The following ZFAND1 variants were observed in gnomAD, a reference collection of about 807,000 sequenced individuals.
ZFAND1 encodes AN1-type zinc finger protein 1.
In ZFAND1, 40 loss-of-function variants were observed where a neutral mutation model predicts 38.5. That is an observed-to-expected ratio of 1.04 (90% CI 0.81 to 1.35). The LOEUF is 1.35. Ranked by LOEUF, ZFAND1 falls within the 40% of genes most tolerant of loss-of-function variation. The pLI is 0.00. For synonymous variants in ZFAND1, 117 were observed against 103.6 expected, an observed-to-expected ratio of 1.13 and a Z score of -0.78; for missense variants, 346 against 316.3, an observed-to-expected ratio of 1.09 and a Z score of -0.71.
chr8:81,711,166 C>A (rs1015925630), intron 6 of ZFAND1, among the ~76,000 whole-genome samples: 26 of 152,146 alleles, frequency 1.7e-4, no homozygotes, highest in African/African-American at 6.3e-4. Context: ...GTAATCCCAG[C>A]ACTTTGGGAG....
Position 81,702,835 on chromosome 8 carries a change from C to T in ZFAND1, c.667G>A (p.Glu223Lys). 2 of 1,599,944 alleles carry T rather than the reference C, an allele frequency of 1.3e-6. No individual in the cohort carries two copies. The highest frequency in any genetic ancestry group is 1.7e-6 in the Non-Finnish European group (2 of 1,174,782). ...KLRLCHITSG[E>K]ALPLDHTLET... Reference sequence around the variant, plus strand: ...AAAGTATGATCCAAGGGTAAGGCTTCTCCTGAAGTAATGTGACACAGCCTT... The same window carrying T: ...AAAGTATGATCCAAGGGTAAGGCTTTTCCTGAAGTAATGTGACACAGCCTT... Residue 223 changes from glutamate (E) to lysine (K), a missense_variant, in exon 8 of 8, where the codon GAA (glutamate) becomes AAA (lysine). By Grantham distance (56) the Glu-to-Lys change is moderately conservative. Coordinates refer to ENST00000220669, the MANE Select transcript of ZFAND1 (RefSeq NM_024699.3).
intron 6 of ZFAND1, among the ~76,000 whole-genome samples, chr8:81,712,970 G>C (rs2130419274): frequency 6.6e-6 from 1 of 152,220 alleles, no homozygotes; most frequent in Middle Eastern, 3.4e-3. Context: ...ATCTAGTAAA[G>C]CTGAAGATCA....
At chr8:81,709,206 C>G (rs2130404765) in intron 6 of ZFAND1, among the ~76,000 whole-genome samples, 1 of 152,232 alleles carries the variant, frequency 6.6e-6, no homozygotes, top group African/African-American at 2.4e-5. Flanking sequence ...TAGGGCCACA[C>G]CAACTCACTT....
At chr8:81,716,480 G>A (rs769007749) in intron 3 of ZFAND1, among the ~76,000 whole-genome samples, 1 of 152,118 alleles carries the variant, frequency 6.6e-6, no homozygotes, top group African/African-American at 2.4e-5. Flanking sequence ...AATTAGGGTA[G>A]GAATTTTATT....
In ZFAND1 at chr8:81,702,777, A is replaced by G; in HGVS notation, c.725T>C (p.Leu242Ser). 6.2e-7 allele frequency: 1 copy of G among 1,607,704 alleles called. No homozygotes were observed. The highest frequency in any genetic ancestry group is 8.5e-7 in the Non-Finnish European group (1 of 1,177,316). ...ETWIAKEDCP[L>S]YNGGNIILEY... ...CAAGATTATATTTCCACCATTATAT[A>G]AAGGACAATCCTCCTTAGCAATCCA... is the stretch of plus-strand genomic sequence containing the variant. The change falls in exon 8 of 8, where the codon TTA (leucine) becomes TCA (serine). Residue 242 changes from leucine (L) to serine (S), a missense_variant. Coordinates refer to ENST00000220669, the MANE Select transcript of ZFAND1 (RefSeq NM_024699.3).
At chr8:81,708,547 A>T (rs1808047508) in intron 6 of ZFAND1, among the ~76,000 whole-genome samples, 1 of 151,200 alleles carries the variant, frequency 6.6e-6, no homozygotes, top group South Asian at 2.1e-4. Context: ...AAGCATACTC[A>T]CTAACAATTC....
chr8:81,708,861 A>C, intron 6 of ZFAND1: 2 of 1,130,224 alleles, frequency 1.8e-6, no homozygotes, highest in Non-Finnish European at 2.3e-6. Flanking sequence ...ATATCTCAGA[A>C]GAGCTGCAAG....
At chr8:81,717,491 T>C (rs902756708) in intron 2 of ZFAND1, among the ~76,000 whole-genome samples, 11 of 152,178 alleles carry the variant, frequency 7.2e-5, no homozygotes, top group Non-Finnish European at 8.8e-5. Context: ...ATGTTCAACT[T>C]CAATATGAGT....
chr8:81,716,060 A>T (rs946496096), intron 3 of ZFAND1, among the ~76,000 whole-genome samples: 1 of 152,256 alleles, frequency 6.6e-6, no homozygotes, highest in African/African-American at 2.4e-5. Context: ...CGTAAACTTC[A>T]AAGGGTCAGA....
At position 81,721,249 on chromosome 8, in the gene ZFAND1, C is replaced by G. The variant is rs1325164042; in HGVS notation, c.33G>C (p.Gln11His). The change falls in exon 1 of 8, where the codon CAG becomes CAC. Residue 11 changes from glutamine (Q) to histidine (H), a missense_variant. Gln to His is a conservative substitution (Grantham distance 24, BLOSUM62 0). Coordinates refer to ENST00000220669, the MANE Select transcript of ZFAND1 (RefSeq NM_024699.3). The part of the protein sequence containing the change: MAELDIGQHC[Q>H]VEHCRQRDFL... ...CACCTCGCTGCCGGCAATGCTCCAC[C>G]TGGCAGTGCTGCCCGATGTCCAACT... The G allele has an allele frequency of 4.5e-6, 7 of 1,549,178 alleles. No individual in the cohort carries two copies. Among genetic ancestry groups the G allele is most frequent in the Non-Finnish European group, 6.1e-6 (7 of 1,147,192 alleles).
Position 81,717,277 on chromosome 8 carries a change from C to T in ZFAND1, c.110G>A (p.Arg37Lys). The T allele has an allele frequency of 6.5e-7, 1 of 1,537,740 alleles. No homozygotes were observed. The highest frequency in any genetic ancestry group is 8.7e-7 in the Non-Finnish European group (1 of 1,152,168). Residue 37 changes from arginine (R) to lysine (K), a missense_variant, in exon 3 of 8, where the codon AGA becomes AAA. Physicochemically the swap from Arg to Lys is conservative, Grantham distance 26. Coordinates refer to ENST00000220669, the MANE Select transcript of ZFAND1 (RefSeq NM_024699.3). ...AGGACAACCATGAGACTCCCTGCTT[C>T]TGTGTTCAAGGCTTAAATAATAATA... ...DCSGIFCLEH[R>K]SRESHGCPEV...
chr8:81,713,132 T>C (rs549639072), intron 6 of ZFAND1, among the ~76,000 whole-genome samples: 1 of 1,990 alleles, frequency 5.0e-4, no homozygotes, highest in African/African-American at 3.5e-3. Context: ...TTTTTGTTCG[T>C]TTTTTTTTGA....
In ZFAND1 at chr8:81,714,843, G is replaced by C. The variant is rs1366687469; in HGVS notation, c.319C>G (p.Arg107Gly). 1.2e-6 allele frequency: 2 copies of C among 1,614,022 alleles called. No homozygotes were observed. The highest frequency in any genetic ancestry group is 1.7e-6 in the Non-Finnish European group (2 of 1,179,934). ...ACAAGTTTCTGAGTGGCAGCCATTC[G>C]AGGCTTTGGGATTTCCAGTTTTTCA... Reference protein sequence around the residue: ...ECEKLEIPKPRMAATQKLVKD... With the variant: ...ECEKLEIPKPGMAATQKLVKD... The change falls in exon 5 of 8, where the codon CGA becomes GGA. Residue 107 changes from arginine (R) to glycine (G), a missense_variant. Arg to Gly is a moderately radical substitution (Grantham distance 125). Coordinates refer to ENST00000220669, the MANE Select transcript of ZFAND1 (RefSeq NM_024699.3).
At chr8:81,719,994 A>T (rs1038376541) in intron 1 of ZFAND1, among the ~76,000 whole-genome samples, 1 of 152,192 alleles carries the variant, frequency 6.6e-6, no homozygotes, top group Admixed American at 6.5e-5. Flanking sequence ...AAGTAACAAG[A>T]ACCTAGAAGG....
At position 81,721,027 on chromosome 8, in the gene ZFAND1, A is replaced by G. The variant is rs1808455959; in HGVS notation, c.55+200T>C. ...CATGGCTTCCTTCCAAGGAGACCAC[A>G]CGTCATTTCAAAAGCTCACGGCCAA... On this transcript the variant is annotated intron_variant, in intron 1 of 7. Transcript: ENST00000220669. The G allele has an allele frequency of 1.3e-5, 7 of 555,622 alleles. No homozygotes were observed. The East Asian group carries it at 1.8e-4, about 15-fold the overall frequency. 34.4% of individuals were successfully genotyped at this position (555,622 alleles called of 1,614,324 possible).
chr8:81,711,426 C>T (rs183954665), intron 6 of ZFAND1, among the ~76,000 whole-genome samples: 40 of 151,662 alleles, frequency 2.6e-4, no homozygotes, highest in African/African-American at 8.7e-4. Flanking sequence ...CAAAACAAAA[C>T]GAAAATAAAA....
intron 6 of ZFAND1, among the ~76,000 whole-genome samples, chr8:81,712,253 G>A (rs904243319): frequency 1.3e-5 from 2 of 152,012 alleles, no homozygotes; most frequent in Non-Finnish European, 2.9e-5. Context: ...TCAAGAAAAA[G>A]GCTACTTATA....
rs559401654 is a variant in ZFAND1, at chr8:81,711,196, G to A, written c.480+2722C>T. Among the ~76,000 whole-genome samples the A allele has an allele frequency of 1.1e-4, 16 of 152,160 alleles. No individual in the cohort carries two copies. In the East Asian group the frequency reaches 2.3e-3, roughly 22 times the overall value. ...TGGGAGGCAGAGGAGGGTGGATCAC[G>A]AGGTCAGGAGTTCAAGACCAGCCTG... On this transcript the variant is annotated intron_variant, in intron 6 of 7. Transcript: ENST00000220669.
At chr8:81,710,177 T>G (rs1808098457) in intron 6 of ZFAND1, among the ~76,000 whole-genome samples, 1 of 152,182 alleles carries the variant, frequency 6.6e-6, no homozygotes, top group Non-Finnish European at 1.5e-5. Context: ...TAAAAATGTC[T>G]CCAGACATTG....
Sources: allele counts gnomAD v4.1 joint callset (sites outside exome capture counted in the v4.1 genomes callset), GRCh38; gene constraint gnomAD v4.1.1; transcripts MANE v1.5; gene names NCBI Gene and HGNC (gene_info 2026-07-23, HGNC 2026-07-21).